The following CNTN5 variants were observed in gnomAD, a reference collection of about 807,000 sequenced individuals.
CNTN5 encodes contactin 5.
In CNTN5, 77 loss-of-function variants were observed where a neutral mutation model predicts 129.1. The ratio of observed to expected loss-of-function variants is 0.60; its 90% CI spans 0.50 to 0.72. The LOEUF (loss-of-function observed/expected upper bound fraction) is 0.72, where lower values mean the gene tolerates loss of function less well. Among genes scored for constraint, CNTN5 ranks in the 30% least tolerant of loss-of-function variants. The pLI, the probability that CNTN5 is intolerant of heterozygous loss-of-function variation, is 0.00. For missense variants in CNTN5, 1,478 were observed against 1,328.8 expected (o/e 1.11, Z -1.75); for synonymous variants, 509 against 465.6 (o/e 1.09, Z -1.20).
chr11:99,771,897 A>G (rs1409593145), intron 3 of CNTN5, among the ~76,000 whole-genome samples: 2 of 151,832 alleles, frequency 1.3e-5, no homozygotes, highest in African/African-American at 4.8e-5. Context: ...AATGGTGTGA[A>G]CTTTACTGTA....
At chr11:99,294,370 A>G (rs964352840) in intron 1 of CNTN5, among the ~76,000 whole-genome samples, 2 of 152,196 alleles carry the variant, frequency 1.3e-5, no homozygotes, top group Non-Finnish European at 2.9e-5. Flanking sequence ...TCTATGTGCC[A>G]GCAGCAAACA....
intron 6 of CNTN5, among the ~76,000 whole-genome samples, chr11:99,865,924 A>G (rs556452807): frequency 6.6e-6 from 1 of 152,282 alleles, no homozygotes; most frequent in East Asian, 1.9e-4. Context: ...TTATTTTCCT[A>G]CACCATACCA....
intron 2 of CNTN5, among the ~76,000 whole-genome samples, chr11:99,439,271 C>G (rs931866768): frequency 6.6e-6 from 1 of 151,634 alleles, no homozygotes; most frequent in Non-Finnish European, 1.5e-5. Flanking sequence ...TGAGCTAGTT[C>G]ATTTAGATGT....
chr11:99,784,423 T>C (rs1485168555), intron 3 of CNTN5, among the ~76,000 whole-genome samples: 1 of 152,050 alleles, frequency 6.6e-6, no homozygotes, highest in East Asian at 2.0e-4. Flanking sequence ...CCTGTGTTAA[T>C]TTGCTGAGAA....
intron 9 of CNTN5, among the ~76,000 whole-genome samples, chr11:100,057,202 ATATATACATTATATATAAAGTATAAG>A (rs1226696585): frequency 3.4e-5 from 5 of 148,210 alleles, no homozygotes; most frequent in African/African-American, 9.8e-5. Context: ...TAAAGTATAA[ATATATACATTATATATAAAGTATAAG>A]TATATACATT....
At chr11:99,993,166 T>G (rs7106240) in intron 8 of CNTN5, among the ~76,000 whole-genome samples, 57,492 of 152,044 alleles carry the variant, frequency 0.38, 12,372 homozygotes, top group African/African-American at 0.59. Context: ...AAATAAACCA[T>G]GTAGCCAAGT....
At chr11:99,428,896 C>T (rs1943250425) in intron 2 of CNTN5, among the ~76,000 whole-genome samples, 1 of 151,872 alleles carries the variant, frequency 6.6e-6, no homozygotes. Flanking sequence ...AGTTTTTTGC[C>T]AATAACCCAG....
chr11:99,145,393 G>T (rs1859732871), intron 1 of CNTN5, among the ~76,000 whole-genome samples: 1 of 147,344 alleles, frequency 6.8e-6, no homozygotes, highest in South Asian at 2.2e-4. Context: ...TTTTTCTGTA[G>T]ATGTGTCTAT....
At chr11:99,685,718 A>G (rs948014434) in intron 3 of CNTN5, among the ~76,000 whole-genome samples, 6 of 151,858 alleles carry the variant, frequency 4.0e-5, no homozygotes, top group Non-Finnish European at 8.8e-5. Context: ...GCTGTGTTAT[A>G]TTTTGATGCC....
intron 7 of CNTN5, among the ~76,000 whole-genome samples, chr11:99,923,531 T>A (rs1357187960): frequency 6.6e-6 from 1 of 152,222 alleles, no homozygotes; most frequent in Non-Finnish European, 1.5e-5. Flanking sequence ...GACTTTATTA[T>A]GTACAGAAAT....
At chr11:99,952,397 T>G (rs1248750337) in intron 7 of CNTN5, among the ~76,000 whole-genome samples, 1 of 152,122 alleles carries the variant, frequency 6.6e-6, no homozygotes, top group African/African-American at 2.4e-5. Context: ...ATAAATGTGA[T>G]TAAAAGACAA....
intron 23 of CNTN5, among the ~76,000 whole-genome samples, chr11:100,347,680 C>A (rs1029989754): frequency 1.3e-5 from 2 of 152,098 alleles, no homozygotes; most frequent in Non-Finnish European, 2.9e-5. Flanking sequence ...TGAATTCTCA[C>A]TGATACTGTG....
chr11:99,738,891 T>C (rs943945501), intron 3 of CNTN5, among the ~76,000 whole-genome samples: 1 of 152,160 alleles, frequency 6.6e-6, no homozygotes, highest in African/African-American at 2.4e-5. Context: ...AGCAAAATAT[T>C]AGAATCACCT....
At chr11:99,635,206 A>C (rs1951506918) in intron 3 of CNTN5, among the ~76,000 whole-genome samples, 1 of 152,188 alleles carries the variant, frequency 6.6e-6, no homozygotes, top group African/African-American at 2.4e-5. Flanking sequence ...GTTGATATAT[A>C]AATGTGAAAA....
chr11:99,806,319 C>T (rs1415706340), intron 3 of CNTN5, among the ~76,000 whole-genome samples: 1 of 151,810 alleles, frequency 6.6e-6, no homozygotes, highest in Non-Finnish European at 1.5e-5. Context: ...ATTATTTGTC[C>T]TTATCCCCTA....
chr11:99,427,765 CAAAAAAAAAAAA>C (rs36085825), intron 2 of CNTN5, among the ~76,000 whole-genome samples: 2 of 32,374 alleles, frequency 6.2e-5, no homozygotes, highest in East Asian at 8.5e-4. Flanking sequence ...GACTCAGTCT[CAAAAAAAAAAAA>C]AAAAAAAAAA....
At chr11:100,276,143 C>A (rs529445672) in intron 18 of CNTN5, among the ~76,000 whole-genome samples, 1 of 152,150 alleles carries the variant, frequency 6.6e-6, no homozygotes, top group Non-Finnish European at 1.5e-5. Context: ...CAAAGCAGTG[C>A]AGTGAACTAT....
chr11:100,025,122 T>C (rs1242004811), intron 9 of CNTN5, among the ~76,000 whole-genome samples: 2 of 152,216 alleles, frequency 1.3e-5, no homozygotes, highest in African/African-American at 2.4e-5. Context: ...AAAATGGTTT[T>C]GTGGGCTGGG....
chr11:100,207,120 G>C (rs1948931664), intron 15 of CNTN5, among the ~76,000 whole-genome samples: 1 of 152,040 alleles, frequency 6.6e-6, no homozygotes, highest in South Asian at 2.1e-4. Context: ...ACATAGAGCT[G>C]TTTGTCTATT....
Sources: gnomAD v4.1 joint callset for allele counts (sites outside exome capture counted in the v4.1 genomes callset) on GRCh38, gnomAD v4.1.1 for gene constraint, MANE v1.5 for transcripts, NCBI Gene and HGNC (gene_info 2026-07-23, HGNC 2026-07-21) for gene names.